The following CACNA2D1 variants were observed in gnomAD, a reference collection of about 807,000 sequenced individuals.
The protein encoded by CACNA2D1 is calcium voltage-gated channel auxiliary subunit alpha2delta 1.
Under a neutral mutation model 171.5 loss-of-function variants are expected in CACNA2D1, and 53 were observed. The ratio of observed to expected loss-of-function variants is 0.31; its 90% CI spans 0.25 to 0.39. The LOEUF (loss-of-function observed/expected upper bound fraction) is 0.39. CACNA2D1 is among the 10% of genes least tolerant of loss of function. The probability of loss-of-function intolerance (pLI) is 1.00; values close to 1 mark genes in which losing one functional copy is unlikely to be tolerated. For synonymous variants in CACNA2D1, 442 were observed against 443.1 expected (o/e 1.00, Z 0.03); for missense variants, 903 against 1,299.8 (o/e 0.69, Z 4.69).
intron 12 of CACNA2D1, chr7:82,021,321 A>G (rs1801181221): frequency 6.6e-6 from 1 of 152,150 alleles, no homozygotes; most frequent in African/African-American, 2.4e-5. Flanking sequence ...TAGACTGATT[A>G]GAGTGAAGGG....
At chr7:82,321,033 A>C (rs981865463) in intron 3 of CACNA2D1, among the ~76,000 whole-genome samples, 2 of 152,162 alleles carry the variant, frequency 1.3e-5, no homozygotes, top group African/African-American at 4.8e-5. Flanking sequence ...TCTAGCTAAA[A>C]GCACATTGTT....
intron 4 of CACNA2D1, among the ~76,000 whole-genome samples, chr7:82,162,160 A>G (rs573913876): frequency 6.6e-6 from 1 of 152,102 alleles, no homozygotes; most frequent in African/African-American, 2.4e-5. Context: ...GATGAAATTT[A>G]AAGTCAAATT....
chr7:82,443,542 G>A lies in CACNA2D1; in HGVS notation c.-83C>T. The A allele has an allele frequency of 6.5e-7, 1 of 1,544,152 alleles. No homozygotes were observed. The highest frequency in any genetic ancestry group is 1.4e-5 in the African/African-American group (1 of 71,198). ...GGAAACCGCGGGCGGAGGAAGAGCA[G>A]CACACGCCGCCGGGACCGCGGGCGT... On this transcript the variant is annotated 5_prime_UTR_variant, in exon 1 of 39. Coordinates refer to ENST00000356860, the MANE Select transcript of CACNA2D1 (RefSeq NM_000722.4).
intron 3 of CACNA2D1, among the ~76,000 whole-genome samples, chr7:82,222,934 G>A (rs1404828796): frequency 7.2e-6 from 1 of 139,288 alleles, no homozygotes. Context: ...GTTTGTTTGA[G>A]ATGTAGTTTC....
At chr7:82,259,272 T>C (rs749479200) in intron 3 of CACNA2D1, among the ~76,000 whole-genome samples, 23 of 152,164 alleles carry the variant, frequency 1.5e-4, no homozygotes, top group Non-Finnish European at 2.5e-4. Context: ...CTTTTATGGA[T>C]TGTCAGCTTG....
rs1429851233 is a variant in CACNA2D1, at chr7:81,947,985, T to A, written c.*2407A>T. ...TGATGGCAACAGAAATTAAATAGGA[T>A]CCTGCCAAGAGATGCCAAGTTTAAC... On this transcript the variant is annotated 3_prime_UTR_variant, in exon 39 of 39. Coordinates refer to ENST00000356860, the MANE Select transcript of CACNA2D1 (RefSeq NM_000722.4). The A allele has an allele frequency of 6.6e-6, 1 of 151,798 alleles. No individual in the cohort carries two copies. Among genetic ancestry groups the A allele is most frequent in the Non-Finnish European group, 1.5e-5 (1 of 67,786 alleles). 9.4% of individuals were successfully genotyped at this position (151,798 alleles called of 1,614,324 possible). A position where few individuals can be genotyped will look rare whatever the true frequency, so the allele number is the denominator to read the frequency against.
chr7:82,111,602 C>A (rs1788480519), intron 6 of CACNA2D1, among the ~76,000 whole-genome samples: 1 of 151,202 alleles, frequency 6.6e-6, no homozygotes, highest in East Asian at 1.9e-4. Flanking sequence ...CGCATGCCAG[C>A]ACCCAAGGCT....
At position 82,136,850 on chromosome 7, in the gene CACNA2D1, T is replaced by A. The variant is rs569046265; in HGVS notation, c.355-174A>T. The stretch of plus-strand genomic sequence containing the variant: ...TTTTTCCAGGAACATATTAAAACCG[T>A]TTATCAGTGATATTACATCTTGCAT... On this transcript the variant is annotated intron_variant, in intron 4 of 38. Coordinates refer to ENST00000356860, the MANE Select transcript of CACNA2D1 (RefSeq NM_000722.4). 5.3e-5 allele frequency among the ~76,000 whole-genome samples: 8 copies of A among 152,294 alleles called. No individual in the cohort carries two copies. The South Asian group carries it at 1.4e-3, about 28-fold the overall frequency.
chr7:82,361,895 A>G (rs12707488), intron 1 of CACNA2D1, among the ~76,000 whole-genome samples: 43,430 of 152,070 alleles, frequency 0.29, 7,883 homozygotes, highest in East Asian at 0.47. Flanking sequence ...TTAAATTATT[A>G]ACATAAAATG....
At chr7:82,176,963 C>T (rs1253482954) in intron 3 of CACNA2D1, among the ~76,000 whole-genome samples, 1 of 151,392 alleles carries the variant, frequency 6.6e-6, no homozygotes, top group South Asian at 2.1e-4. Flanking sequence ...ATGGAGAATA[C>T]ATTTTTAAAG....
At chr7:81,994,789 A>G (rs1797876993) in intron 20 of CACNA2D1, 79 bp downstream of exon 20, 1 of 775,204 alleles carries the variant, frequency 1.3e-6, no homozygotes, top group Non-Finnish European at 2.3e-6. Context: ...GTGGATTAAT[A>G]GAAAAAAAGG....
Position 82,274,134 on chromosome 7 carries a change from G to A in CACNA2D1, c.294+61001C>T, listed in dbSNP as rs79306619. ...AACTCAAACAGCTCCCTCTGTCACA[G>A]AGCCTGCGCACTAACCCCTCCTTTT... On this transcript the variant is annotated intron_variant, in intron 3 of 38. Transcript: ENST00000356860. Among the ~76,000 whole-genome samples the A allele has an allele frequency of 5.5e-3, 831 of 152,124 alleles. 22 individuals carry two copies. In the East Asian group the frequency reaches 0.09, roughly 16 times the overall value.
intron 3 of CACNA2D1, among the ~76,000 whole-genome samples, chr7:82,305,617 T>C (rs562580261): frequency 6.6e-6 from 1 of 152,312 alleles, no homozygotes; most frequent in Admixed American, 6.5e-5. Flanking sequence ...TCCAAGTCCC[T>C]ATACTTTTTA....
chr7:81,946,664 A>G lies in CACNA2D1; in HGVS notation c.*3728T>C, dbSNP rs929020039. 2.0e-5 allele frequency: 3 copies of G among 152,138 alleles called. No homozygotes were observed. The highest frequency in any genetic ancestry group is 7.2e-5 in the African/African-American group (3 of 41,446). The allele number at this position is 152,138 out of a possible 1,614,324, so 9.4% of individuals were successfully genotyped here. A position where few individuals can be genotyped will look rare whatever the true frequency, so the allele number is the denominator to read the frequency against. Reference sequence around the variant, plus strand: ...GCCAGTTGGCCTTTTGCATGAATGCACACCATTTTAATAAAAGTATTCCTA... The same window carrying G: ...GCCAGTTGGCCTTTTGCATGAATGCGCACCATTTTAATAAAAGTATTCCTA... On this transcript the variant is annotated 3_prime_UTR_variant, in exon 39 of 39. Transcript: ENST00000356860.
chr7:82,289,376 C>T (rs1240252712), intron 3 of CACNA2D1, among the ~76,000 whole-genome samples: 2 of 152,012 alleles, frequency 1.3e-5, no homozygotes, highest in Non-Finnish European at 2.9e-5. Flanking sequence ...TATGCCAATT[C>T]GCAATACAAT....
At position 82,443,620 on chromosome 7, in the gene CACNA2D1, G is replaced by A. The variant is rs1830682123; in HGVS notation, c.-161C>T. 1 of 1,352,324 alleles carries A rather than the reference G, an allele frequency of 7.4e-7. No individual in the cohort carries two copies. Among genetic ancestry groups the A allele is most frequent in the Non-Finnish European group, 9.4e-7 (1 of 1,059,018 alleles). 83.8% of individuals were successfully genotyped at this position (1,352,324 alleles called of 1,614,324 possible). A position where few individuals can be genotyped will look rare whatever the true frequency, so the allele number is the denominator to read the frequency against. On this transcript the variant is annotated 5_prime_UTR_variant, in exon 1 of 39. Transcript: ENST00000356860. ...GAGGCGCGGAGCCGCGCGGGGGACG[G>A]CAAGGGCGGGAGCGGACGCCGAGGA...
chr7:82,164,810 T>C (rs1000913472), intron 4 of CACNA2D1, among the ~76,000 whole-genome samples: 2 of 132,356 alleles, frequency 1.5e-5, no homozygotes, highest in African/African-American at 3.0e-5. Flanking sequence ...GTAATGCTTA[T>C]GTATTTTTTT....
intron 10 of CACNA2D1, among the ~76,000 whole-genome samples, chr7:82,053,292 T>C (rs1470102102): frequency 2.0e-5 from 3 of 151,652 alleles, no homozygotes; most frequent in Admixed American, 6.6e-5. Flanking sequence ...CTATCAATTA[T>C]GATTAAATAG....
At chr7:81,982,443 A>T (rs1042071472) in intron 24 of CACNA2D1, 124 bp downstream of exon 24, 3 of 702,134 alleles carry the variant, frequency 4.3e-6, no homozygotes, top group Non-Finnish European at 5.2e-6. Context: ...TTTTAAAGTA[A>T]TTATTTCCTT....
Sources: allele counts gnomAD v4.1 joint callset (sites outside exome capture counted in the v4.1 genomes callset), GRCh38; gene constraint gnomAD v4.1.1; transcripts MANE v1.5; gene names NCBI Gene and HGNC (gene_info 2026-07-23, HGNC 2026-07-21).